Variants in SPTBN1 observed in about 807,000 individuals in gnomAD.
The protein encoded by SPTBN1 is spectrin beta, non-erythrocytic 1.
SPTBN1 carries 32 observed loss-of-function variants against 266.4 expected under a neutral mutation model. The observed-to-expected ratio is 0.12, with a 90% CI of 0.09 to 0.16. The LOEUF is 0.16. Ranked by LOEUF, SPTBN1 falls within the 10% of genes least tolerant of loss-of-function variation. The pLI is 1.00. For synonymous variants in SPTBN1, 1,336 were observed against 1,162.2 expected (o/e 1.15, Z -3.04); for missense variants, 2,296 against 3,067.1 (o/e 0.75, Z 5.94).
intron 4 of SPTBN1, among the ~76,000 whole-genome samples, chr2:54,615,724 G>A (rs763296402): frequency 1.3e-5 from 2 of 152,158 alleles, no homozygotes; most frequent in Non-Finnish European, 1.5e-5. Flanking sequence ...GCCTCTGAGC[G>A]GCTTATGAAG....
intron 24 of SPTBN1, among the ~76,000 whole-genome samples, chr2:54,647,967 C>T (rs1015833742): frequency 6.6e-6 from 1 of 152,150 alleles, no homozygotes; most frequent in Non-Finnish European, 1.5e-5. Context: ...TTAAGAGGAG[C>T]ATTAGACAAG....
rs1680431818 is a variant in SPTBN1 at position 54,653,388 on chromosome 2, A to G, written c.5578-221A>G. ...CTTCCTGTAGCATTTCATTTGTTTT[A>G]TCATTCATAAAGAACTTAATAATGT... On this transcript the variant is annotated intron_variant, in intron 26 of 35. Transcript: ENST00000356805. This position sits in a 1 kb window ranked among gnomAD's most constrained non-coding sequence, Gnocchi z 5.1. 4.9e-6 allele frequency: 3 copies of G among 606,436 alleles called. No homozygotes were observed. Among genetic ancestry groups the G allele is most frequent in the Non-Finnish European group, 5.2e-6 (2 of 383,776 alleles). The allele number at this position is 606,436 out of a possible 1,614,324, so 37.6% of individuals were successfully genotyped here.
intron 1 of SPTBN1, chr2:54,516,421 G>A (rs913152940): frequency 3.3e-5 from 5 of 152,194 alleles, no homozygotes; most frequent in African/African-American, 1.2e-4. Flanking sequence ...AGATTAGGTT[G>A]TGTTCTTATG....
At chr2:54,509,349 C>A (rs1669735203) in intron 1 of SPTBN1, among the ~76,000 whole-genome samples, 1 of 152,132 alleles carries the variant, frequency 6.6e-6, no homozygotes, top group African/African-American at 2.4e-5. Flanking sequence ...AGAGTGAGTA[C>A]AGCTGAAGGA....
At position 54,482,533 on chromosome 2, in the gene SPTBN1, C is replaced by T. The variant is rs187177547; in HGVS notation, c.-48+26015C>T. On this transcript the variant is annotated intron_variant, in intron 1 of 35. Coordinates refer to ENST00000356805, the MANE Select transcript of SPTBN1 (RefSeq NM_003128.3). ...TATGCATGCTATCCTCTGGCCTCCC[C>T]TCAAAATTATGTCTCTGGCCTGTGC... is the stretch of plus-strand genomic sequence containing the variant. Among the ~76,000 whole-genome samples the T allele has an allele frequency of 2.5e-3, 386 of 152,232 alleles. 3 individuals are homozygous for T. Among genetic ancestry groups the T allele is most frequent in the African/African-American group, 8.7e-3 (362 of 41,546 alleles).
At chr2:54,565,038 A>G (rs771070231) in intron 2 of SPTBN1, among the ~76,000 whole-genome samples, 1 of 152,206 alleles carries the variant, frequency 6.6e-6, no homozygotes, top group Non-Finnish European at 1.5e-5. Context: ...GGTCAGCATC[A>G]GCATCATCTG....
At chr2:54,560,271 C>T (rs1201661014) in intron 2 of SPTBN1, among the ~76,000 whole-genome samples, 1 of 152,068 alleles carries the variant, frequency 6.6e-6, no homozygotes, top group Non-Finnish European at 1.5e-5. Context: ...CTCCTCTTCC[C>T]CTGGCCCGGA....
rs1441877986 is a variant in SPTBN1 at position 54,629,709 on chromosome 2, G to A, written c.2575G>A (p.Asp859Asn). Reference sequence around the variant, plus strand: ...CCTGTACAAGATGTTCAGCGAGGCTGATGCCTGTGAGCTCTGGATCGACGA... The same window carrying A: ...CCTGTACAAGATGTTCAGCGAGGCTAATGCCTGTGAGCTCTGGATCGACGA... ...LALYKMFSEA[D>N]ACELWIDEKE... Residue 859 changes from aspartate to asparagine, a missense_variant, in exon 14 of 36, where the codon GAT (aspartate) becomes AAT (asparagine). Around this residue, in one of 12 missense-constraint regions of SPTBN1, gnomAD observed 434 missense variants for 573.9 expected, o/e 0.76. Coordinates refer to ENST00000356805, the MANE Select transcript of SPTBN1 (RefSeq NM_003128.3). 6.2e-7 allele frequency: 1 copy of A among 1,613,334 alleles called. No individual in the cohort carries two copies. The highest frequency in any genetic ancestry group is 1.7e-5 in the Admixed American group (1 of 60,012).
Position 54,629,684 on chromosome 2 carries a change from C to G in SPTBN1, c.2550C>G (p.Ala850=). Residue 850 remains alanine, a synonymous_variant, in exon 14 of 36, where the codon GCC becomes GCG. Transcript: ENST00000356805. ...AGCAGGCACTCCAGGACACTCTGGC[C>G]CTGTACAAGATGTTCAGCGAGGCTG... ...LRKQALQDTL[A]LYKMFSEADA... 2 of 1,613,816 alleles carry G rather than the reference C, an allele frequency of 1.2e-6. No individual in the cohort carries two copies. The highest frequency in any genetic ancestry group is 2.2e-5 in the South Asian group (2 of 91,076).
At chr2:54,526,866 T>C (rs1227418283) in intron 2 of SPTBN1, 2 of 252,272 alleles carry the variant, frequency 7.9e-6, no homozygotes, top group South Asian at 8.3e-5. Context: ...TTCCAAAATA[T>C]CAAAGCATAC....
chr2:54,496,994 A>G (rs982843513), intron 1 of SPTBN1, among the ~76,000 whole-genome samples: 1 of 152,230 alleles, frequency 6.6e-6, no homozygotes, highest in African/African-American at 2.4e-5. Flanking sequence ...CCATACAGCT[A>G]TTACATATGA....
At position 54,600,925 on chromosome 2, in the gene SPTBN1, A is replaced by C. The variant is rs116462463; in HGVS notation, c.300+1682A>C. 1.5e-3 allele frequency among the ~76,000 whole-genome samples: 228 copies of C among 152,210 alleles called. 2 individuals carry two copies. The highest frequency in any genetic ancestry group is 5.3e-3 in the African/African-American group (221 of 41,516). On this transcript the variant is annotated intron_variant, in intron 3 of 35. Coordinates refer to ENST00000356805, the MANE Select transcript of SPTBN1 (RefSeq NM_003128.3). ...GACCCATAATTATTTTATACCAAGA[A>C]GATTGTGTCCTTGATAATGTCCACA...
rs1194219829 is a variant in SPTBN1, at chr2:54,626,046, A to G, written c.1456A>G (p.Arg486Gly). Residue 486 changes from arginine to glycine, a missense_variant, in exon 12 of 36, where the codon AGG becomes GGG. Arg to Gly is a moderately radical substitution (Grantham distance 125). This residue lies in a region of SPTBN1 where 434 missense variants were observed against 573.9 expected (regional missense o/e 0.76). Transcript: ENST00000356805. The surrounding 1 kb of genome is among the most constrained non-coding windows in gnomAD (Gnocchi z 4.7). ...ERVQAVVAVARELEAENYHDI... is the reference protein window; with the variant it reads ...ERVQAVVAVAGELEAENYHDI... Reference sequence around the variant, plus strand: ...TGTGCAGGCTGTGGTAGCCGTGGCCAGGGAGCTCGAGGCCGAGAATTACCA... The same window carrying G: ...TGTGCAGGCTGTGGTAGCCGTGGCCGGGGAGCTCGAGGCCGAGAATTACCA... 6.2e-7 allele frequency: 1 copy of G among 1,614,212 alleles called. No individual in the cohort carries two copies. The highest frequency in any genetic ancestry group is 1.7e-5 in the Admixed American group (1 of 60,022).
chr2:54,670,840 T>A lies in SPTBN1; in HGVS notation c.*2271T>A. The A allele has an allele frequency of 2.5e-6, 1 of 398,560 alleles. No homozygotes were observed. The highest frequency in any genetic ancestry group is 4.4e-6 in the Non-Finnish European group (1 of 226,056). The allele number at this position is 398,560 out of a possible 1,614,324, so 24.7% of individuals were successfully genotyped here. On this transcript the variant is annotated 3_prime_UTR_variant, in exon 36 of 36. Coordinates refer to ENST00000356805, the MANE Select transcript of SPTBN1 (RefSeq NM_003128.3). ...ACTGAGGCCTGAATGTGGAAGATGA[T>A]GGGCAGCGAGAGGAGCGTCAGAAGA...
chr2:54,478,777 T>G (rs1476743933), intron 1 of SPTBN1, among the ~76,000 whole-genome samples: 1 of 152,242 alleles, frequency 6.6e-6, no homozygotes, highest in Admixed American at 6.5e-5. Context: ...TGTTTACTGT[T>G]TTCATGTTGT....
chr2:54,468,880 A>G (rs1693775981), intron 1 of SPTBN1, among the ~76,000 whole-genome samples: 1 of 152,222 alleles, frequency 6.6e-6, no homozygotes, highest in African/African-American at 2.4e-5. Flanking sequence ...AGTCTTTGAA[A>G]TACCTATCCC....
chr2:54,520,328 AC>A (rs1670364581), intron 1 of SPTBN1: 1 of 152,222 alleles, frequency 6.6e-6, no homozygotes, highest in Non-Finnish European at 1.5e-5. Context: ...CAGAATACTT[AC>A]AAAGCCTGGC....
intron 2 of SPTBN1, among the ~76,000 whole-genome samples, chr2:54,578,775 T>TGTGA (rs1674675752): frequency 6.6e-6 from 1 of 151,778 alleles, no homozygotes; most frequent in Non-Finnish European, 1.5e-5. Context: ...TGTGTGTGTG[T>TGTGA]GTGATGATAA....
intron 1 of SPTBN1, among the ~76,000 whole-genome samples, chr2:54,463,714 T>C (rs905033762): frequency 6.6e-6 from 1 of 152,240 alleles, no homozygotes; most frequent in African/African-American, 2.4e-5. Flanking sequence ...ATATTATGCT[T>C]TCTTTCAAAT....
Sources: allele counts gnomAD v4.1 joint callset (sites outside exome capture counted in the v4.1 genomes callset), GRCh38; gene constraint gnomAD v4.1.1; regional missense constraint gnomAD v4.1.1; non-coding constraint Gnocchi (gnomAD v3.1); transcripts MANE v1.5; gene names NCBI Gene and HGNC (gene_info 2026-07-23, HGNC 2026-07-21).